Variants in DTD1 observed in about 807,000 individuals in gnomAD.
DTD1 encodes D-aminoacyl-tRNA deacylase 1.
Under a neutral mutation model 25.6 loss-of-function variants are expected in DTD1, and 13 were observed. The ratio of observed to expected loss-of-function variants is 0.51; its 90% CI spans 0.33 to 0.81. The LOEUF is 0.81. Among genes scored for constraint, DTD1 ranks in the 30% least tolerant of loss-of-function variants. The probability of loss-of-function intolerance (pLI) is 0.02; values close to 1 mark genes in which losing one functional copy is unlikely to be tolerated. For synonymous variants in DTD1, 110 were observed against 103.6 expected (o/e 1.06, Z -0.37); for missense variants, 193 against 266.4 (o/e 0.72, Z 1.92).
intron 4 of DTD1, among the ~76,000 whole-genome samples, chr20:18,672,075 A>G (rs6081288): frequency 0.21 from 32,335 of 152,078 alleles, 4,367 homozygotes; most frequent in Non-Finnish European, 0.3. Context: ...CTCTACAGAA[A>G]GTTAAAAAAT....
In DTD1 at chr20:18,708,295, ATAATATATATATT is replaced by A. The variant is rs1568676989; in HGVS notation, c.478-35803_478-35791del. 3.7e-4 allele frequency among the ~76,000 whole-genome samples: 22 copies of A among 59,194 alleles called. 1 individual carries two copies. The highest frequency in any genetic ancestry group is 9.1e-4 in the South Asian group (2 of 2,192). 38.8% of individuals were successfully genotyped at this position (59,194 alleles called of 152,430 possible). ...TATATATAATATATATTATATATAT[ATAATATATATATT>A]TTATATATATATTATATATATATAT... On this transcript the variant is annotated intron_variant, in intron 4 of 5. Coordinates refer to ENST00000377452, the MANE Select transcript of DTD1 (RefSeq NM_080820.6).
chr20:18,636,188 C>G (rs1232463850), intron 4 of DTD1, among the ~76,000 whole-genome samples: 1 of 152,154 alleles, frequency 6.6e-6, no homozygotes, highest in African/African-American at 2.4e-5. Flanking sequence ...GCTGACTTGA[C>G]CTGCCAAAGA....
At chr20:18,603,788 A>G (rs1042374042) in intron 3 of DTD1, among the ~76,000 whole-genome samples, 12 of 116,596 alleles carry the variant, frequency 1.0e-4, no homozygotes, top group African/African-American at 3.9e-4. Context: ...TGTAGAGGGA[A>G]ATTTATAGCA....
chr20:18,681,883 A>G (rs1162922153), intron 4 of DTD1, among the ~76,000 whole-genome samples: 5 of 151,828 alleles, frequency 3.3e-5, no homozygotes, highest in Non-Finnish European at 4.4e-5. Flanking sequence ...AAATTCTTTT[A>G]TTTTTCTTAT....
intron 3 of DTD1, among the ~76,000 whole-genome samples, chr20:18,617,430 T>G (rs933156008): frequency 6.6e-6 from 1 of 151,462 alleles, no homozygotes; most frequent in African/African-American, 2.4e-5. Context: ...ATATGAGGGT[T>G]TACTTCTGGA....
chr20:18,673,113 T>C (rs2060956853), intron 4 of DTD1, among the ~76,000 whole-genome samples: 1 of 152,234 alleles, frequency 6.6e-6, no homozygotes, highest in African/African-American at 2.4e-5. Flanking sequence ...GAGTAGCTTA[T>C]TGATGGAGTG....
intron 4 of DTD1, among the ~76,000 whole-genome samples, chr20:18,664,140 G>A (rs901019064): frequency 3.0e-4 from 45 of 152,212 alleles, no homozygotes; most frequent in African/African-American, 1.1e-3. Context: ...ACCTAACCAT[G>A]CATTTCTTGG....
At chr20:18,738,134 A>G (rs536137486) in intron 4 of DTD1, among the ~76,000 whole-genome samples, 2 of 152,288 alleles carry the variant, frequency 1.3e-5, no homozygotes, top group East Asian at 1.9e-4. Context: ...CACCTAGAGT[A>G]GGTATAGTCA....
chr20:18,607,022 A>C (rs533946803), intron 3 of DTD1, among the ~76,000 whole-genome samples: 1 of 152,244 alleles, frequency 6.6e-6, no homozygotes, highest in East Asian at 1.9e-4. Flanking sequence ...ATGGATGTGA[A>C]GATGTGATTT....
rs1413538267 is a variant in DTD1, at chr20:18,631,273, G to T, written c.477+3040G>T. The T allele has an allele frequency of 3.0e-6, 3 of 984,892 alleles. No individual in the cohort carries two copies. In the African/African-American group the frequency reaches 5.2e-5, roughly 17 times the overall value. The allele number at this position is 984,892 out of a possible 1,614,324, so 61.0% of individuals were successfully genotyped here. A position where few individuals can be genotyped will look rare whatever the true frequency, so the allele number is the denominator to read the frequency against. On this transcript the variant is annotated intron_variant, in intron 4 of 5. Transcript: ENST00000377452. Reference sequence around the variant, plus strand: ...GTAAAATGAAAATGTGGGGCCCCTTGTTCAAAAAATATTACAAATTTCAAG... The same window carrying T: ...GTAAAATGAAAATGTGGGGCCCCTTTTTCAAAAAATATTACAAATTTCAAG...
chr20:18,670,416 A>C lies in DTD1; in HGVS notation c.477+42183A>C, dbSNP rs918404031. Among the ~76,000 whole-genome samples the C allele has an allele frequency of 2.6e-5, 4 of 152,204 alleles. No homozygotes were observed. In the South Asian group the frequency reaches 8.3e-4, roughly 31 times the overall value. On this transcript the variant is annotated intron_variant, in intron 4 of 5. Coordinates refer to ENST00000377452, the MANE Select transcript of DTD1 (RefSeq NM_080820.6). ...GGTTGCGGTGAGCCAAGATCACGCC[A>C]CTGCACTCCAACCTGGGTGACAGAG...
chr20:18,737,930 G>T (rs780560738), intron 4 of DTD1, among the ~76,000 whole-genome samples: 7 of 152,210 alleles, frequency 4.6e-5, no homozygotes, highest in Non-Finnish European at 4.4e-5. Context: ...GAAGACAAGT[G>T]TGCGGCTACA....
At chr20:18,708,157 ATG>A (rs753494941) in intron 4 of DTD1, among the ~76,000 whole-genome samples, 3,144 of 22,142 alleles carry the variant, frequency 0.14, 209 homozygotes, top group Non-Finnish European at 0.24. Flanking sequence ...AATTATTAAC[ATG>A]TGTGTGTGTG....
intron 3 of DTD1, among the ~76,000 whole-genome samples, chr20:18,616,390 T>C (rs753834651): frequency 6.6e-5 from 10 of 152,206 alleles, no homozygotes; most frequent in Non-Finnish European, 7.3e-5. Flanking sequence ...TTAAACCCTG[T>C]CTTTTCGTGA....
chr20:18,747,561 G>A (rs1044299762), intron 5 of DTD1, among the ~76,000 whole-genome samples: 4 of 152,186 alleles, frequency 2.6e-5, no homozygotes, highest in African/African-American at 9.7e-5. Flanking sequence ...TGGTCCAGAA[G>A]CAAAACTCAG....
chr20:18,732,598 A>G (rs1224474748), intron 4 of DTD1, among the ~76,000 whole-genome samples: 1 of 152,192 alleles, frequency 6.6e-6, no homozygotes, highest in African/African-American at 2.4e-5. Context: ...AACCCAGGAT[A>G]TAGGTGTGGT....
chr20:18,622,243 C>T lies in DTD1; in HGVS notation c.371-5884C>T, dbSNP rs149967170. 3.3e-3 allele frequency among the ~76,000 whole-genome samples: 507 copies of T among 152,176 alleles called. 3 individuals carry two copies. The highest frequency in any genetic ancestry group is 0.012 in the African/African-American group (488 of 41,522). ...TGATCTCCCTCCCCTTGCCCCCGAC[C>T]CCCTGAAAGGCCCTGGTGTTTGATG... On this transcript the variant is annotated intron_variant, in intron 3 of 5. Coordinates refer to ENST00000377452, the MANE Select transcript of DTD1 (RefSeq NM_080820.6).
intron 3 of DTD1, among the ~76,000 whole-genome samples, chr20:18,597,167 G>A (rs1421003862): frequency 9.3e-6 from 1 of 107,720 alleles, no homozygotes; most frequent in Admixed American, 1.1e-4. Flanking sequence ...GTGTGTGTGT[G>A]TGTGTGTGTG....
intron 4 of DTD1, among the ~76,000 whole-genome samples, chr20:18,641,630 A>G (rs1482898123): frequency 2.0e-5 from 3 of 152,164 alleles, no homozygotes; most frequent in Non-Finnish European, 4.4e-5. Context: ...GATGTTGAGC[A>G]TCTTTTCATG....
Sources: gnomAD v4.1 joint callset for allele counts (sites outside exome capture counted in the v4.1 genomes callset) on GRCh38, gnomAD v4.1.1 for gene constraint, MANE v1.5 for transcripts, NCBI Gene and HGNC (gene_info 2026-07-23, HGNC 2026-07-21) for gene names.